Variants in ALDH1A2 observed in about 807,000 individuals in gnomAD.
ALDH1A2 encodes the protein aldehyde dehydrogenase 1 family member A2.
Under a neutral mutation model 60.3 loss-of-function variants are expected in ALDH1A2, and 27 were observed. That is an observed-to-expected ratio of 0.45 (90% CI 0.33 to 0.62). The LOEUF is 0.62. ALDH1A2 is among the 20% of genes least tolerant of loss of function. The pLI, the probability that ALDH1A2 is intolerant of heterozygous loss-of-function variation, is 0.02. For missense variants in ALDH1A2, 581 were observed against 643.8 expected (o/e 0.90, Z 1.06); for synonymous variants, 289 against 232.4 (o/e 1.24, Z -2.21).
At chr15:57,963,484 T>G (rs113274898) in intron 9 of ALDH1A2, among the ~76,000 whole-genome samples, 1 of 151,600 alleles carries the variant, frequency 6.6e-6, no homozygotes, top group Non-Finnish European at 1.5e-5. Flanking sequence ...GGATTACAGG[T>G]ACCCGCCACC....
At chr15:58,027,127 G>T (rs1010881845) in intron 1 of ALDH1A2, among the ~76,000 whole-genome samples, 1 of 152,110 alleles carries the variant, frequency 6.6e-6, no homozygotes, top group Admixed American at 6.5e-5. Flanking sequence ...TCCCAGTAGG[G>T]GCCTAAAGAC....
At position 58,013,950 on chromosome 15, in the gene ALDH1A2, C is replaced by T; in HGVS notation, c.271G>A (p.Gly91Ser). ...GCATCCATCCTTCTCCACACTGAAC[C>T]AAGAGAGAAAGCCAGGCGGGCTGCC... ...VQAARLAFSL[G>S]SVWRRMDASE... Residue 91 changes from glycine to serine, a missense_variant, in exon 3 of 13, where the codon GGT becomes AGT. Gly to Ser is a moderately conservative substitution (Grantham distance 56, BLOSUM62 0). Coordinates refer to ENST00000249750, the MANE Select transcript of ALDH1A2 (RefSeq NM_003888.4). The T allele has an allele frequency of 6.2e-7, 1 of 1,614,090 alleles. No homozygotes were observed. Among genetic ancestry groups the T allele is most frequent in the Non-Finnish European group, 8.5e-7 (1 of 1,179,998 alleles).
intron 4 of ALDH1A2, among the ~76,000 whole-genome samples, chr15:57,999,013 A>G (rs1193664101): frequency 6.6e-6 from 1 of 152,134 alleles, no homozygotes; most frequent in Non-Finnish European, 1.5e-5. Context: ...GAAAATTAAA[A>G]CTGGACCCCT....
At chr15:57,994,833 T>C (rs1894999147) in intron 5 of ALDH1A2, among the ~76,000 whole-genome samples, 1 of 152,164 alleles carries the variant, frequency 6.6e-6, no homozygotes, top group Non-Finnish European at 1.5e-5. Context: ...CACTGTGCTT[T>C]GCTTATTTTA....
intron 7 of ALDH1A2, among the ~76,000 whole-genome samples, chr15:57,987,354 G>C (rs925954662): frequency 6.6e-6 from 1 of 151,898 alleles, no homozygotes; most frequent in African/African-American, 2.4e-5. Context: ...ATACACAAAA[G>C]TACATCACAA....
chr15:58,006,859 TAAA>T (rs35453203), intron 4 of ALDH1A2, among the ~76,000 whole-genome samples: 59,047 of 139,752 alleles, frequency 0.42, 13,106 homozygotes, highest in East Asian at 0.73. Context: ...CTCATATTGT[TAAA>T]AAAAAAAAAA....
In ALDH1A2 at chr15:57,965,750, AG is replaced by A; in HGVS notation, c.875del (p.Pro292LeufsTer46). The A allele has an allele frequency of 6.2e-7, 1 of 1,614,080 alleles. No individual in the cohort carries two copies. Among genetic ancestry groups the A allele is most frequent in the Non-Finnish European group, 8.5e-7 (1 of 1,179,900 alleles). Reference sequence around the variant, plus strand: ...AGTCAGCATCAGCAAAAATAATATTAGGACTTTTGCCTCCAAGTTCCAGAGT... The same window carrying A: ...AGTCAGCATCAGCAAAAATAATATTAGACTTTTGCCTCCAAGTTCCAGAGT... The part of the protein sequence containing the change: ...RVTLELGGKS[P>X]NIIFADADLD... On this transcript the variant is annotated frameshift_variant, in exon 8 of 13. Transcript: ENST00000249750. LOFTEE classifies it high-confidence loss of function.
intron 1 of ALDH1A2, among the ~76,000 whole-genome samples, chr15:58,019,154 CA>C (rs1178851147): frequency 3.3e-4 from 48 of 146,340 alleles, no homozygotes; most frequent in African/African-American, 8.5e-4. Context: ...AAATGGAAAG[CA>C]AAAAAAAAAG....
intron 1 of ALDH1A2, among the ~76,000 whole-genome samples, chr15:58,057,388 A>G (rs1896922420): frequency 6.6e-6 from 1 of 152,180 alleles, no homozygotes; most frequent in Non-Finnish European, 1.5e-5. Flanking sequence ...AATAGCATGT[A>G]TTATTTATGG....
chr15:58,032,158 T>C (rs1363579977), intron 1 of ALDH1A2, among the ~76,000 whole-genome samples: 1 of 151,936 alleles, frequency 6.6e-6, no homozygotes, highest in African/African-American at 2.4e-5. Flanking sequence ...ATATACACCA[T>C]GGAATACTAT....
At chr15:57,999,234 A>G (rs1327769533) in intron 4 of ALDH1A2, among the ~76,000 whole-genome samples, 1 of 152,174 alleles carries the variant, frequency 6.6e-6, no homozygotes, top group Non-Finnish European at 1.5e-5. Flanking sequence ...TCTGCACAGC[A>G]AAAGGAACTA....
intron 4 of ALDH1A2, among the ~76,000 whole-genome samples, chr15:58,004,447 A>G (rs1895379868): frequency 6.6e-6 from 1 of 151,736 alleles, no homozygotes; most frequent in African/African-American, 2.4e-5. Flanking sequence ...GGTACCCAAC[A>G]GGTAGTTTTC....
intron 4 of ALDH1A2, among the ~76,000 whole-genome samples, chr15:57,995,743 C>T (rs535434139): frequency 6.6e-6 from 1 of 152,110 alleles, no homozygotes; most frequent in East Asian, 1.9e-4. Flanking sequence ...TAATCCAAAG[C>T]GTCTGCCCCC....
At chr15:58,049,751 G>C (rs1896728675) in intron 1 of ALDH1A2, among the ~76,000 whole-genome samples, 1 of 152,184 alleles carries the variant, frequency 6.6e-6, no homozygotes, top group South Asian at 2.1e-4. Flanking sequence ...AGGCTACCTG[G>C]CCTGTAGAGG....
At position 57,992,199 on chromosome 15, in the gene ALDH1A2, T is replaced by C. The variant is rs141100741; in HGVS notation, c.798+506A>G. ...TGATACTATGGCATGGCTGAGTAGT[T>C]GCAACAGAGACCACGTTGCCTCCAA... On this transcript the variant is annotated intron_variant, in intron 7 of 12. Transcript: ENST00000249750. Among the ~76,000 whole-genome samples the C allele has an allele frequency of 6.9e-3, 1,053 of 152,322 alleles. 4 individuals carry two copies. The highest frequency in any genetic ancestry group is 0.01 in the Non-Finnish European group (681 of 68,022).
chr15:58,042,844 T>A (rs149686959), intron 1 of ALDH1A2, among the ~76,000 whole-genome samples: 7 of 152,082 alleles, frequency 4.6e-5, no homozygotes, highest in African/African-American at 1.7e-4. Context: ...TCTGGGGCAC[T>A]GGATCATAAC....
Position 58,010,716 on chromosome 15 carries a change from G to A in ALDH1A2, c.426C>T (p.Gly142=), listed in dbSNP as rs777872854. The change falls in exon 4 of 13, where the codon GGC becomes GGT. Residue 142 remains glycine, a synonymous_variant. Coordinates refer to ENST00000249750, the MANE Select transcript of ALDH1A2 (RefSeq NM_003888.4). ...FLQAFYVDLQ[G]VIKTFRYYAG... ...CGTAATATCGAAAGGTTTTGATGAC[G>A]CCCTGCAAATCCACATAAAAAGCTT... The A allele has an allele frequency of 1.9e-5, 31 of 1,613,316 alleles. No homozygotes were observed. Among genetic ancestry groups the A allele is most frequent in the African/African-American group, 8.0e-5 (6 of 74,848 alleles).
chr15:57,986,841 G>A (rs1894720248), intron 7 of ALDH1A2, among the ~76,000 whole-genome samples: 1 of 151,996 alleles, frequency 6.6e-6, no homozygotes, highest in African/African-American at 2.4e-5. Context: ...CCTGGCTAGA[G>A]ATAGAGTTTC....
At chr15:57,975,992 A>G (rs945943210) in intron 7 of ALDH1A2, among the ~76,000 whole-genome samples, 1 of 152,240 alleles carries the variant, frequency 6.6e-6, no homozygotes, top group South Asian at 2.1e-4. Context: ...TTGTATATCA[A>G]TTATACTACA....
Sources: gnomAD v4.1 joint callset for allele counts (sites outside exome capture counted in the v4.1 genomes callset) on GRCh38, gnomAD v4.1.1 for gene constraint, MANE v1.5 for transcripts, NCBI Gene and HGNC (gene_info 2026-07-23, HGNC 2026-07-21) for gene names.